The following IBTK variants were observed in gnomAD, a reference collection of about 807,000 sequenced individuals.
IBTK encodes BTK-binding protein.
A neutral mutation model predicts 154.9 loss-of-function variants in IBTK; 83 were observed. The observed-to-expected ratio is 0.54, with a 90% CI of 0.45 to 0.64. The LOEUF (loss-of-function observed/expected upper bound fraction) is 0.64, where lower values mean the gene tolerates loss of function less well. IBTK is among the 30% of genes least tolerant of loss of function. IBTK has a pLI of 0.00. For missense variants in IBTK, 1,332 were observed against 1,584.6 expected (o/e 0.84, Z 2.71); for synonymous variants, 515 against 536.1 (o/e 0.96, Z 0.54).
intron 25 of IBTK, among the ~76,000 whole-genome samples, chr6:82,186,650 A>G (rs1768567467): frequency 6.6e-6 from 1 of 152,172 alleles, no homozygotes; most frequent in Non-Finnish European, 1.5e-5. Context: ...TCTTAAAAAG[A>G]GCATAAATTA....
chr6:82,239,528 A>C (rs1364920484), intron 2 of IBTK, among the ~76,000 whole-genome samples: 1 of 152,212 alleles, frequency 6.6e-6, no homozygotes, highest in Non-Finnish European at 1.5e-5. Context: ...TATTGTTACA[A>C]AAATACTAAT....
chr6:82,183,024 GT>G (rs139573180), intron 25 of IBTK, among the ~76,000 whole-genome samples: 1,784 of 152,276 alleles, frequency 0.012, 43 homozygotes, highest in African/African-American at 0.04. Flanking sequence ...GATAATAAAT[GT>G]TGGTTGTTTT....
intron 4 of IBTK, among the ~76,000 whole-genome samples, chr6:82,231,268 G>A (rs1325296911): frequency 6.6e-6 from 1 of 151,786 alleles, no homozygotes; most frequent in East Asian, 1.9e-4. Flanking sequence ...ATTGCAAGAA[G>A]TGTGTTGTTT....
At chr6:82,177,373 T>A (rs1768160132) in intron 26 of IBTK, among the ~76,000 whole-genome samples, 1 of 152,000 alleles carries the variant, frequency 6.6e-6, no homozygotes, top group Non-Finnish European at 1.5e-5. Context: ...TATGCCTGGC[T>A]AGCTTATTTA....
At position 82,171,415 on chromosome 6, in the gene IBTK, C is replaced by T. The variant is rs747156865; in HGVS notation, c.*10G>A. On this transcript the variant is annotated 3_prime_UTR_variant, in exon 29 of 29. Coordinates refer to ENST00000306270, the MANE Select transcript of IBTK (RefSeq NM_015525.4). ...TAATTATGTAAAATGCATCTCAACTCCACAGTGAACTAGCATCCATGCTTA... is the reference window on the plus strand; with the variant it reads ...TAATTATGTAAAATGCATCTCAACTTCACAGTGAACTAGCATCCATGCTTA... The T allele has an allele frequency of 6.2e-7, 1 of 1,607,448 alleles. No individual in the cohort carries two copies.
At chr6:82,235,428 T>C (rs1426740146) in intron 2 of IBTK, among the ~76,000 whole-genome samples, 1 of 151,992 alleles carries the variant, frequency 6.6e-6, no homozygotes, top group African/African-American at 2.4e-5. Context: ...ACCCCATCTG[T>C]AGTAAAAATA....
In IBTK at chr6:82,191,835, A is replaced by G. The variant is rs1438464160; in HGVS notation, c.3383T>C (p.Ile1128Thr). The change falls in exon 24 of 29, where the codon ATA becomes ACA. Residue 1128 changes from isoleucine to threonine, a missense_variant. Around this residue, in one of 3 missense-constraint regions of IBTK, gnomAD observed 1,134 missense variants for 1,274.7 expected, o/e 0.89. Transcript: ENST00000306270. ...TCCACATTTTTGTCTACTTTCTTCT[A>G]TTTCCATGATAGTTCTGAGATCCAC... is the stretch of plus-strand genomic sequence containing the variant. ...PVVDLRTIME[I>T]EESRQKCGAT... 9 of 1,612,126 alleles carry G rather than the reference A, an allele frequency of 5.6e-6. No individual in the cohort carries two copies. Among genetic ancestry groups the G allele is most frequent in the Admixed American group, 1.7e-5 (1 of 59,962 alleles).
intron 24 of IBTK, 145 bp from the exon 25 acceptor site, chr6:82,191,361 C>G (rs9350944): frequency 0.22 from 151,135 of 674,244 alleles, 17,326 homozygotes; most frequent in African/African-American, 0.28. Flanking sequence ...CTATTTATTT[C>G]ATGTTATTTT....
At chr6:82,232,448 A>C (rs1430396909) in intron 3 of IBTK, among the ~76,000 whole-genome samples, 1 of 152,224 alleles carries the variant, frequency 6.6e-6, no homozygotes, top group Non-Finnish European at 1.5e-5. Context: ...ATTAAACTGG[A>C]ATACAAATCA....
chr6:82,174,873 G>GT (rs1358881826), intron 26 of IBTK: 16 of 437,896 alleles, frequency 3.7e-5, no homozygotes, highest in Non-Finnish European at 5.5e-5. Flanking sequence ...AGAGTACAGT[G>GT]TTTTTTCCAT....
intron 18 of IBTK, among the ~76,000 whole-genome samples, chr6:82,201,938 CCG>C (rs1167413117): frequency 3.9e-5 from 6 of 152,006 alleles, no homozygotes. Context: ...CTTGGCCAGG[CCG>C]GTCTTGAACT....
At chr6:82,192,975 G>A (rs1397174302) in intron 23 of IBTK, among the ~76,000 whole-genome samples, 1 of 151,738 alleles carries the variant, frequency 6.6e-6, no homozygotes, top group Non-Finnish European at 1.5e-5. Context: ...GCACGCGCCT[G>A]TAGTCCCAGC....
intron 25 of IBTK, among the ~76,000 whole-genome samples, chr6:82,187,604 T>C (rs1224547507): frequency 7.1e-6 from 1 of 141,394 alleles, no homozygotes; most frequent in Non-Finnish European, 1.6e-5. Context: ...AAAACTGATG[T>C]CGCCGAGTGG....
intron 2 of IBTK, among the ~76,000 whole-genome samples, chr6:82,237,742 AT>A (rs1291981591): frequency 6.6e-6 from 1 of 151,068 alleles, no homozygotes; most frequent in Non-Finnish European, 1.5e-5. Flanking sequence ...ACAAAAGAAT[AT>A]TTTACTATTA....
In IBTK at chr6:82,172,282, C is replaced by G. The variant is rs759854818; in HGVS notation, c.3930+98G>C. Reference sequence around the variant, plus strand: ...CATTTACATTTTAATTTCATAGATACAAGCACCTGTCCAAAACAAACAAAC... The same window carrying G: ...CATTTACATTTTAATTTCATAGATAGAAGCACCTGTCCAAAACAAACAAAC... On this transcript the variant is annotated intron_variant, in intron 28 of 28. Coordinates refer to ENST00000306270, the MANE Select transcript of IBTK (RefSeq NM_015525.4). 4.2e-4 allele frequency: 500 copies of G among 1,186,650 alleles called. 1 individual carries two copies. Among genetic ancestry groups the G allele is most frequent in the Non-Finnish European group, 4.8e-4 (402 of 845,086 alleles). The allele number at this position is 1,186,650 out of a possible 1,614,324, so 73.5% of individuals were successfully genotyped here. A position where few individuals can be genotyped will look rare whatever the true frequency, so the allele number is the denominator to read the frequency against.
intron 9 of IBTK, among the ~76,000 whole-genome samples, chr6:82,219,676 TTAA>T (rs1479396278): frequency 1.4e-5 from 2 of 146,496 alleles, no homozygotes; most frequent in Non-Finnish European, 1.5e-5. Flanking sequence ...ATATTTTAAA[TTAA>T]TAATTTTATT....
At chr6:82,223,125 C>A (rs879430523) in intron 8 of IBTK, among the ~76,000 whole-genome samples, 1 of 151,396 alleles carries the variant, frequency 6.6e-6, no homozygotes, top group Non-Finnish European at 1.5e-5. Flanking sequence ...GAGAGTGTCA[C>A]GAATCAAGAA....
chr6:82,233,096 G>A (rs1770570171), intron 3 of IBTK, among the ~76,000 whole-genome samples: 1 of 150,890 alleles, frequency 6.6e-6, no homozygotes, highest in South Asian at 2.1e-4. Flanking sequence ...GGCGGAGGTT[G>A]CGGTGAGCCA....
intron 25 of IBTK, among the ~76,000 whole-genome samples, chr6:82,190,046 A>T (rs1768703678): frequency 6.6e-6 from 1 of 152,142 alleles, no homozygotes; most frequent in Non-Finnish European, 1.5e-5. Context: ...GATAAATTTT[A>T]AAATTCTGCT....
Sources: allele counts gnomAD v4.1 joint callset (sites outside exome capture counted in the v4.1 genomes callset), GRCh38; gene constraint gnomAD v4.1.1; regional missense constraint gnomAD v4.1.1; transcripts MANE v1.5; gene names NCBI Gene and HGNC (gene_info 2026-07-23, HGNC 2026-07-21).